Variants in NR6A1 observed in about 807,000 individuals in gnomAD.
NR6A1 encodes nuclear receptor subfamily 6 group A member 1, also known as retinoic acid receptor-related testis-associated receptor.
Under a neutral mutation model 59.1 loss-of-function variants are expected in NR6A1, and 7 were observed. That is an observed-to-expected ratio of 0.12 (90% confidence interval 0.07 to 0.22). The LOEUF (loss-of-function observed/expected upper bound fraction) is 0.22, where lower values mean the gene tolerates loss of function less well. Among genes scored for constraint, NR6A1 ranks in the 10% least tolerant of loss-of-function variants. The probability of loss-of-function intolerance (pLI) is 1.00; values close to 1 mark genes in which losing one functional copy is unlikely to be tolerated. For synonymous variants in NR6A1, 243 were observed against 236.1 expected (o/e 1.03, Z -0.27); for missense variants, 468 against 611.6 (o/e 0.77, Z 2.48).
At chr9:124,559,090 T>C (rs561268354) in intron 2 of NR6A1, among the ~76,000 whole-genome samples, 1 of 152,320 alleles carries the variant, frequency 6.6e-6, no homozygotes, top group Non-Finnish European at 1.5e-5. Context: ...CTGTGTACCA[T>C]GCAATGTGCA....
chr9:124,690,268 T>C (rs765088196), intron 2 of NR6A1, among the ~76,000 whole-genome samples: 5 of 152,164 alleles, frequency 3.3e-5, no homozygotes, highest in South Asian at 2.1e-4. Context: ...TCCAGATACA[T>C]TGTTTTATTG....
chr9:124,574,040 C>A lies in NR6A1; in HGVS notation c.143-19470G>T, dbSNP rs145583679. Reference sequence around the variant, plus strand: ...ATCAATATGTAAATATGTACTGACACTGGAATATTTGTACTGACACTGGAA... The same window carrying A: ...ATCAATATGTAAATATGTACTGACAATGGAATATTTGTACTGACACTGGAA... On this transcript the variant is annotated intron_variant, in intron 2 of 9. Coordinates refer to ENST00000487099, the MANE Select transcript of NR6A1 (RefSeq NM_033334.4). 3.2e-3 allele frequency among the ~76,000 whole-genome samples: 486 copies of A among 152,220 alleles called. 2 individuals carry two copies. The highest frequency in any genetic ancestry group is 5.8e-3 in the Admixed American group (88 of 15,296).
intron 2 of NR6A1, among the ~76,000 whole-genome samples, chr9:124,590,494 A>G (rs1407419092): frequency 1.3e-5 from 2 of 152,234 alleles, no homozygotes; most frequent in African/African-American, 4.8e-5. Context: ...GTTAAGCAAC[A>G]TTAAAACTAT....
intron 2 of NR6A1, among the ~76,000 whole-genome samples, chr9:124,648,497 C>T (rs74725614): frequency 0.01 from 1,573 of 152,236 alleles, 27 homozygotes; most frequent in African/African-American, 0.036. Flanking sequence ...AAACTCACAG[C>T]TGGCATCATA....
chr9:124,684,079 G>A (rs753096048), intron 2 of NR6A1, among the ~76,000 whole-genome samples: 4 of 151,968 alleles, frequency 2.6e-5, no homozygotes, highest in Non-Finnish European at 4.4e-5. Context: ...CTCGAGTATC[G>A]CCATACAAAT....
chr9:124,527,180 G>C lies in NR6A1; in HGVS notation c.1080-280C>G, dbSNP rs191390965. 2.0e-5 allele frequency among the ~76,000 whole-genome samples: 3 copies of C among 152,268 alleles called. No homozygotes were observed. In the East Asian group the frequency reaches 5.8e-4, roughly 29 times the overall value. ...TGGCAAGGTCATCTGACCCCTCTAT[G>C]CTTTGAGGTCCTCCTCTGCAAAATG... On this transcript the variant is annotated intron_variant, in intron 7 of 9. Transcript: ENST00000487099.
intron 1 of NR6A1, among the ~76,000 whole-genome samples, chr9:124,750,716 C>T (rs568300793): frequency 2.6e-4 from 40 of 151,642 alleles, no homozygotes; most frequent in Non-Finnish European, 4.6e-4. Flanking sequence ...GCCAAGATCG[C>T]GCCACTGCAC....
At chr9:124,581,140 C>T (rs557457872) in intron 2 of NR6A1, among the ~76,000 whole-genome samples, 2 of 152,178 alleles carry the variant, frequency 1.3e-5, no homozygotes, top group African/African-American at 4.8e-5. Context: ...AAATGTAAAA[C>T]CCAAAACTAT....
At chr9:124,763,950 G>A (rs1840852359) in intron 1 of NR6A1, among the ~76,000 whole-genome samples, 1 of 152,142 alleles carries the variant, frequency 6.6e-6, no homozygotes, top group Non-Finnish European at 1.5e-5. Flanking sequence ...TTGGGAGACT[G>A]AGGCACGTGG....
chr9:124,673,431 A>G (rs1381351637), intron 2 of NR6A1, among the ~76,000 whole-genome samples: 1 of 152,192 alleles, frequency 6.6e-6, no homozygotes, highest in African/African-American at 2.4e-5. Flanking sequence ...CAGGTGGTAA[A>G]GAAAATAAAT....
At chr9:124,755,011 A>G (rs1484899052) in intron 1 of NR6A1, among the ~76,000 whole-genome samples, 2 of 152,204 alleles carry the variant, frequency 1.3e-5, no homozygotes, top group Non-Finnish European at 2.9e-5. Context: ...ACCCAAGTCT[A>G]ACGTTAAAGC....
chr9:124,664,060 T>G (rs1837528724), intron 2 of NR6A1, among the ~76,000 whole-genome samples: 1 of 152,160 alleles, frequency 6.6e-6, no homozygotes, highest in African/African-American at 2.4e-5. Flanking sequence ...TTAAAATAAT[T>G]TGAAAACACA....
chr9:124,566,938 C>G (rs1288938458), intron 2 of NR6A1, among the ~76,000 whole-genome samples: 1 of 151,970 alleles, frequency 6.6e-6, no homozygotes. Context: ...GAAACCCCGT[C>G]TCTACTAAAA....
chr9:124,691,669 G>A lies in NR6A1; in HGVS notation c.142+41639C>T, dbSNP rs1001774490. Among the ~76,000 whole-genome samples, 83 of 152,150 alleles carry A rather than the reference G, an allele frequency of 5.5e-4. 1 individual carries two copies. Among genetic ancestry groups the A allele is most frequent in the Non-Finnish European group, 1.0e-3 (68 of 68,020 alleles). ...TCTGTGTTCTCAACTAAGAAGAAAT[G>A]CAAGCTTTACATTAGGTGGTGGGTT... On this transcript the variant is annotated intron_variant, in intron 2 of 9. Transcript: ENST00000487099.
rs1248082247 is a variant in NR6A1 at position 124,569,075 on chromosome 9, C to T, written c.143-14505G>A. On this transcript the variant is annotated intron_variant, in intron 2 of 9. Coordinates refer to ENST00000487099, the MANE Select transcript of NR6A1 (RefSeq NM_033334.4). ...TTGCAGTGAGCCAAGATCACGCCACCTCACTCCAGCCTGGGTGACAGAGCA... is the reference window on the plus strand; with the variant it reads ...TTGCAGTGAGCCAAGATCACGCCACTTCACTCCAGCCTGGGTGACAGAGCA... Among the ~76,000 whole-genome samples, 706 of 150,430 alleles carry T rather than the reference C, an allele frequency of 4.7e-3. 9 individuals carry two copies. The highest frequency in any genetic ancestry group is 0.017 in the African/African-American group (677 of 39,906).
chr9:124,662,891 T>C (rs535345386), intron 2 of NR6A1, among the ~76,000 whole-genome samples: 1 of 152,186 alleles, frequency 6.6e-6, no homozygotes, highest in Non-Finnish European at 1.5e-5. Context: ...AGAAAGCAAA[T>C]TTTTATCTGA....
chr9:124,730,555 CT>C (rs56330244), intron 2 of NR6A1, among the ~76,000 whole-genome samples: 2,541 of 123,090 alleles, frequency 0.021, 29 homozygotes, highest in African/African-American at 0.051. Context: ...ATTTTTTAGT[CT>C]TTTTTTTTTT....
At chr9:124,668,155 C>G (rs1278869414) in intron 2 of NR6A1, among the ~76,000 whole-genome samples, 1 of 151,996 alleles carries the variant, frequency 6.6e-6, no homozygotes, top group South Asian at 2.1e-4. Flanking sequence ...TATTGTATTA[C>G]TATAATAAAC....
chr9:124,726,691 CTCACTTCT>C (rs374355563), intron 2 of NR6A1, among the ~76,000 whole-genome samples: 59 of 149,642 alleles, frequency 3.9e-4, no homozygotes, highest in East Asian at 2.7e-3. Flanking sequence ...TTCACTTCTT[CTCACTTCT>C]TCACTTCTTC....
Sources: gnomAD v4.1 joint callset for allele counts (sites outside exome capture counted in the v4.1 genomes callset) on GRCh38, gnomAD v4.1.1 for gene constraint, MANE v1.5 for transcripts, NCBI Gene and HGNC (gene_info 2026-07-23, HGNC 2026-07-21) for gene names.